TMOD1: variants seen among roughly 807,000 people sequenced by gnomAD.
TMOD1 encodes the protein tropomodulin 1, also known as tropomodulin-1.
Under a neutral mutation model 40.6 loss-of-function variants are expected in TMOD1, and 17 were observed. The ratio of observed to expected loss-of-function variants is 0.42; its 90% CI spans 0.29 to 0.63. The LOEUF is 0.63. Ranked by LOEUF, TMOD1 falls within the 20% of genes least tolerant of loss-of-function variation. The pLI is 0.22. For missense variants in TMOD1, 391 were observed against 447.6 expected (o/e 0.87, Z 1.14); for synonymous variants, 181 against 175.0 (o/e 1.03, Z -0.27).
Position 97,580,971 on chromosome 9 carries a change from T to TTTTTA in TMOD1, c.871-10306_871-10302dup, listed in dbSNP as rs57396096. 1.8e-3 allele frequency among the ~76,000 whole-genome samples: 233 copies of TTTTTA among 132,380 alleles called. 5 individuals carry two copies. The highest frequency in any genetic ancestry group is 0.015 in the Admixed American group (201 of 13,586). 86.8% of individuals were successfully genotyped at this position (132,380 alleles called of 152,430 possible). ...TTTTTTTTTCACTTGGCATAATTCTTTTTTATTTTATTTTATTTCTTTTTT... is the reference window on the plus strand; with the variant it reads ...TTTTTTTTTCACTTGGCATAATTCTTTTTTATTTTATTTTATTTTATTTCTTTTTT... On this transcript the variant is annotated intron_variant, in intron 8 of 9. Transcript: ENST00000259365.
At chr9:97,549,760 G>A (rs1040991703) in intron 3 of TMOD1, among the ~76,000 whole-genome samples, 23 of 152,038 alleles carry the variant, frequency 1.5e-4, no homozygotes, top group East Asian at 7.8e-4. Context: ...TTCTCTATGC[G>A]CTTCCCACTC....
At chr9:97,586,323 CAG>C (rs969293697) in intron 8 of TMOD1, among the ~76,000 whole-genome samples, 88 of 152,298 alleles carry the variant, frequency 5.8e-4, no homozygotes, top group African/African-American at 2.0e-3. Flanking sequence ...GCCCGGGGGT[CAG>C]GGGTCAGGGA....
chr9:97,564,951 G>A (rs1351106492), intron 6 of TMOD1, among the ~76,000 whole-genome samples: 3 of 152,044 alleles, frequency 2.0e-5, no homozygotes, highest in Admixed American at 6.6e-5. Flanking sequence ...CCAGCCCCAC[G>A]GCACCATCAG....
In TMOD1 at chr9:97,559,794, A is replaced by AAAAAATATATAT. The variant is rs1390791825; in HGVS notation, c.398-2937_398-2936insAAAATATATATA. 3.0e-4 allele frequency among the ~76,000 whole-genome samples: 7 copies of AAAAAATATATAT among 23,174 alleles called. No homozygotes were observed. In the East Asian group the frequency reaches 6.0e-3, roughly 20 times the overall value. 15.2% of individuals were successfully genotyped at this position (23,174 alleles called of 152,430 possible). A position where few individuals can be genotyped will look rare whatever the true frequency, so the allele number is the denominator to read the frequency against. On this transcript the variant is annotated intron_variant, in intron 4 of 9. Coordinates refer to ENST00000259365, the MANE Select transcript of TMOD1 (RefSeq NM_003275.4). ...ATTTAAAAAAAAAAAAAAAAAAAAA[A>AAAAAATATATAT]ATATATATATATATATATATATATA...
intron 2 of TMOD1, among the ~76,000 whole-genome samples, chr9:97,541,627 T>C (rs1394069640): frequency 6.6e-6 from 1 of 151,896 alleles, no homozygotes; most frequent in Non-Finnish European, 1.5e-5. Flanking sequence ...ACAAATTTCA[T>C]GTCTCAGCCT....
chr9:97,529,534 TAA>T (rs546481120), intron 2 of TMOD1, among the ~76,000 whole-genome samples: 91 of 138,564 alleles, frequency 6.6e-4, no homozygotes, highest in Admixed American at 8.0e-4. Flanking sequence ...TTGTGCACGT[TAA>T]AAAAAAAAAA....
rs1280784941 is a variant in TMOD1 at position 97,597,964 on chromosome 9, GGAAACCCTACCCACACA to G, written c.1016-1669_1016-1653del. On this transcript the variant is annotated intron_variant, in intron 9 of 9. Coordinates refer to ENST00000259365, the MANE Select transcript of TMOD1 (RefSeq NM_003275.4). ...TGAGAATCAGATGCGATATGGATAT[GGAAACCCTACCCACACA>G]AGGCTCAAGTCTACTGAGGGAGGCA... is the stretch of plus-strand genomic sequence containing the variant. Among the ~76,000 whole-genome samples the G allele has an allele frequency of 2.0e-5, 3 of 152,134 alleles. No homozygotes were observed. The East Asian group carries it at 5.8e-4, about 29-fold the overall frequency.
chr9:97,507,811 T>C (rs1829613029), intron 1 of TMOD1, among the ~76,000 whole-genome samples: 1 of 152,016 alleles, frequency 6.6e-6, no homozygotes, highest in South Asian at 2.1e-4. Flanking sequence ...TGGTGTCTGA[T>C]AGTAGAAGGA....
Position 97,600,848 on chromosome 9 carries a change from A to G in TMOD1, c.*1150A>G. The G allele has an allele frequency of 9.3e-7, 1 of 1,079,288 alleles. No homozygotes were observed. The highest frequency in any genetic ancestry group is 1.1e-6 in the Non-Finnish European group (1 of 882,432). The allele number at this position is 1,079,288 out of a possible 1,614,324, so 66.9% of individuals were successfully genotyped here. A position where few individuals can be genotyped will look rare whatever the true frequency, so the allele number is the denominator to read the frequency against. On this transcript the variant is annotated 3_prime_UTR_variant, in exon 10 of 10. Transcript: ENST00000259365. ...TCATGTGCGTCTCTTGGGATCCAGC[A>G]AAAGTGTTAAGCCACAATGCCCTTG...
intron 8 of TMOD1, among the ~76,000 whole-genome samples, chr9:97,574,087 C>T (rs1165977491): frequency 6.6e-6 from 1 of 152,224 alleles, no homozygotes; most frequent in African/African-American, 2.4e-5. Context: ...TCGCTCTCGG[C>T]GCCTCCTCAG....
At chr9:97,599,200 TC>T (rs1564003179) in intron 9 of TMOD1, among the ~76,000 whole-genome samples, 1 of 150,266 alleles carries the variant, frequency 6.7e-6, no homozygotes, top group Non-Finnish European at 1.5e-5. Flanking sequence ...GTGGAAACTC[TC>T]GTTTATATAG....
At chr9:97,516,921 A>G (rs1383330095) in intron 1 of TMOD1, 1 of 152,222 alleles carries the variant, frequency 6.6e-6, no homozygotes, top group Non-Finnish European at 1.5e-5. Flanking sequence ...CGGTTGCACA[A>G]CAACAGGAAT....
Position 97,600,658 on chromosome 9 carries a change from A to G in TMOD1, c.*960A>G. 1 of 991,656 alleles carries G rather than the reference A, an allele frequency of 1.0e-6. No homozygotes were observed. Among genetic ancestry groups the G allele is most frequent in the Non-Finnish European group, 1.2e-6 (1 of 833,820 alleles). 61.4% of individuals were successfully genotyped at this position (991,656 alleles called of 1,614,324 possible). ...AGCTACTGATCTCATCACTTATTAG[A>G]CAAATTGCTGCTGACCTTACGCCTG... On this transcript the variant is annotated 3_prime_UTR_variant, in exon 10 of 10. Coordinates refer to ENST00000259365, the MANE Select transcript of TMOD1 (RefSeq NM_003275.4).
chr9:97,523,051 C>T (rs1829941792), intron 1 of TMOD1, among the ~76,000 whole-genome samples: 1 of 152,070 alleles, frequency 6.6e-6, no homozygotes, highest in Admixed American at 6.5e-5. Context: ...AGCCCTAGGC[C>T]ATCCCTTAGT....
intron 9 of TMOD1, among the ~76,000 whole-genome samples, chr9:97,599,063 T>A (rs564985287): frequency 6.6e-6 from 1 of 152,320 alleles, no homozygotes; most frequent in East Asian, 1.9e-4. Context: ...TCCTGGCTAG[T>A]GCTTTCCTCT....
intron 7 of TMOD1, among the ~76,000 whole-genome samples, chr9:97,567,803 C>G (rs1035342812): frequency 3.2e-4 from 49 of 152,222 alleles, no homozygotes; most frequent in African/African-American, 1.2e-3. Context: ...GATTTCAAAA[C>G]AGAGGGCTTC....
At position 97,557,219 on chromosome 9, in the gene TMOD1, G is replaced by C. The variant is rs553111262; in HGVS notation, c.397+3819G>C. Reference sequence around the variant, plus strand: ...TTCAACATTAAAAGCGTCCCTGCTGGGCAACAAGCAGAGTGCACAGGTTCC... The same window carrying C: ...TTCAACATTAAAAGCGTCCCTGCTGCGCAACAAGCAGAGTGCACAGGTTCC... On this transcript the variant is annotated intron_variant, in intron 4 of 9. Transcript: ENST00000259365. The surrounding 1 kb of genome is among the most constrained non-coding windows in gnomAD (Gnocchi z 4.4). Among the ~76,000 whole-genome samples the C allele has an allele frequency of 2.0e-5, 3 of 152,232 alleles. No individual in the cohort carries two copies. The highest frequency in any genetic ancestry group is 4.4e-5 in the Non-Finnish European group (3 of 68,016).
Position 97,531,038 on chromosome 9 carries a change from C to CA in TMOD1, c.120+6730_120+6731insA, listed in dbSNP as rs1159732389. ...CCTGACCTTAGGTGATCCACACCCA[C>CA]CCCCCCCACCACCCCTTGGCCTCCC... On this transcript the variant is annotated intron_variant, in intron 2 of 9. Transcript: ENST00000259365. Among the ~76,000 whole-genome samples the CA allele has an allele frequency of 9.1e-4, 107 of 118,022 alleles. 10 individuals are homozygous for CA. Among genetic ancestry groups the CA allele is most frequent in the Admixed American group, 3.4e-3 (43 of 12,804 alleles). 77.4% of individuals were successfully genotyped at this position (118,022 alleles called of 152,430 possible).
intron 1 of TMOD1, among the ~76,000 whole-genome samples, chr9:97,510,387 C>T (rs994622117): frequency 2.0e-5 from 3 of 152,076 alleles, no homozygotes; most frequent in Non-Finnish European, 4.4e-5. Context: ...CCCACCACCA[C>T]GCCTGGCTAA....
Sources: allele counts gnomAD v4.1 joint callset (sites outside exome capture counted in the v4.1 genomes callset), GRCh38; gene constraint gnomAD v4.1.1; non-coding constraint Gnocchi (gnomAD v3.1); transcripts MANE v1.5; gene names NCBI Gene and HGNC (gene_info 2026-07-23, HGNC 2026-07-21).